EXOC3L2: variants seen among roughly 807,000 people sequenced by gnomAD.
EXOC3L2 encodes exocyst complex component 3 like 2, also known as exocyst complex component 3-like protein 2.
A neutral mutation model predicts 44.4 loss-of-function variants in EXOC3L2; 17 were observed. That is an observed-to-expected ratio of 0.38 (90% CI 0.26 to 0.57). The LOEUF is 0.57. Ranked by LOEUF, EXOC3L2 falls within the 20% of genes least tolerant of loss-of-function variation. The pLI is 0.65. For missense variants in EXOC3L2, 541 were observed against 588.4 expected (o/e 0.92, Z 0.83); for synonymous variants, 256 against 253.7 (o/e 1.01, Z -0.09).
chr19:45,243,917 C>T (rs750228894), intron 1 of EXOC3L2, among the ~76,000 whole-genome samples: 45 of 151,046 alleles, frequency 3.0e-4, no homozygotes, highest in Non-Finnish European at 5.8e-4. Context: ...TGTGAGCCAC[C>T]GCACTCTGTC....
chr19:45,230,284 T>C (rs1307374671), intron 4 of EXOC3L2, among the ~76,000 whole-genome samples: 1 of 152,154 alleles, frequency 6.6e-6, no homozygotes, highest in Non-Finnish European at 1.5e-5. Context: ...AGTGGTGCGA[T>C]CTCGGCTCAC....
intron 8 of EXOC3L2, among the ~76,000 whole-genome samples, chr19:45,223,240 T>A (rs893948834): frequency 6.6e-6 from 1 of 151,932 alleles, no homozygotes; most frequent in African/African-American, 2.4e-5. Context: ...ATACAAAAAT[T>A]AGCATGGTGG....
intron 8 of EXOC3L2, 66 bp downstream of exon 8, chr19:45,224,712 G>A (rs1416226936): frequency 9.9e-6 from 15 of 1,511,064 alleles, no homozygotes; most frequent in Non-Finnish European, 1.2e-5. Flanking sequence ...GGAACTGGAG[G>A]ATGGTGGGGG....
intron 8 of EXOC3L2, among the ~76,000 whole-genome samples, chr19:45,218,637 A>G (rs1349978758): frequency 6.6e-6 from 1 of 152,076 alleles, no homozygotes; most frequent in East Asian, 1.9e-4. Flanking sequence ...ACCGGAACTG[A>G]GGCCCTGGTG....
intron 3 of EXOC3L2, among the ~76,000 whole-genome samples, chr19:45,232,880 C>T (rs756637023): frequency 2.0e-5 from 3 of 152,072 alleles, no homozygotes; most frequent in African/African-American, 7.2e-5. Context: ...GAGTTCGACA[C>T]CAGCCTGGCC....
In EXOC3L2 at chr19:45,228,251, C is replaced by A. The variant is rs1434807586; in HGVS notation, c.1285G>T (p.Ala429Ser). 6.2e-7 allele frequency: 1 copy of A among 1,613,956 alleles called. No homozygotes were observed. The highest frequency in any genetic ancestry group is 1.3e-5 in the African/African-American group (1 of 74,910). The part of the protein sequence containing the change: ...VTDVKAQTRA[A>S]LLRVLQEDEE... ...TCCTCCTGCAGCACACGGAGAAGGG[C>A]AGCCCGGGTCTGAGCCTACAGTAGG... Residue 429 changes from alanine (A) to serine (S), a missense_variant, in exon 5 of 12, where the codon GCC (alanine) becomes TCC (serine). Transcript: ENST00000413988.
chr19:45,237,909 C>T (rs1470649446), intron 2 of EXOC3L2, among the ~76,000 whole-genome samples: 4 of 152,092 alleles, frequency 2.6e-5, no homozygotes, highest in African/African-American at 7.2e-5. Context: ...TTTGGGAGGA[C>T]GAGGCAGGCA....
chr19:45,220,827 G>A (rs1969888567), intron 8 of EXOC3L2, among the ~76,000 whole-genome samples: 1 of 151,766 alleles, frequency 6.6e-6, no homozygotes, highest in East Asian at 1.9e-4. Flanking sequence ...CGAGACTGAG[G>A]TAGAAATGAT....
chr19:45,226,747 CTTTTTTTTT>C lies in EXOC3L2; in HGVS notation c.1583+906_1583+914del, dbSNP rs957385712. ...CACTGTGCCCAGCTGACTCCCATCT[CTTTTTTTTT>C]TTTTTTTTTTTTTTGAGACGGAGTC... is the stretch of plus-strand genomic sequence containing the variant. On this transcript the variant is annotated intron_variant, in intron 7 of 11. Coordinates refer to ENST00000413988, the MANE Select transcript of EXOC3L2 (RefSeq NM_001382422.1). Among the ~76,000 whole-genome samples, 8 of 90,654 alleles carry C rather than the reference CTTTTTTTTT, an allele frequency of 8.8e-5. No homozygotes were observed. The East Asian group carries it at 2.3e-3, about 26-fold the overall frequency. The allele number at this position is 90,654 out of a possible 152,430, so 59.5% of individuals were successfully genotyped here. A position where few individuals can be genotyped will look rare whatever the true frequency, so the allele number is the denominator to read the frequency against.
Position 45,218,328 on chromosome 19 carries a change from G to A in EXOC3L2, c.1720-9C>T. ...AGCTTGTTGAAGTGTGGCTGGCAGG[G>A]ACAGAGTAGGGGGTCACGCTCTCCT... On this transcript the variant is annotated splice_polypyrimidine_tract_variant and intron_variant, in intron 8 of 11. Transcript: ENST00000413988. 1 of 1,596,622 alleles carries A rather than the reference G, an allele frequency of 6.3e-7. No homozygotes were observed. Among genetic ancestry groups the A allele is most frequent in the Non-Finnish European group, 8.5e-7 (1 of 1,170,906 alleles).
intron 4 of EXOC3L2, among the ~76,000 whole-genome samples, chr19:45,230,508 G>A (rs905134375): frequency 2.6e-5 from 4 of 152,206 alleles, no homozygotes; most frequent in African/African-American, 7.2e-5. Context: ...GTGAGCCACT[G>A]TGCCCGGCCA....
At position 45,231,604 on chromosome 19, in the gene EXOC3L2, C is replaced by T. The variant is rs187447862; in HGVS notation, c.1269+159G>A. ...ACCTTTACCAAGTGTCTCTGTACAG[C>T]GGCCTTTGTGTCTATGGCACATGGA... On this transcript the variant is annotated intron_variant, in intron 4 of 11. Transcript: ENST00000413988. Among the ~76,000 whole-genome samples the T allele has an allele frequency of 2.2e-3, 337 of 152,158 alleles. 3 individuals carry two copies. Among genetic ancestry groups the T allele is most frequent in the African/African-American group, 7.2e-3 (297 of 41,516 alleles).
intron 1 of EXOC3L2, among the ~76,000 whole-genome samples, chr19:45,243,587 A>G (rs1056684650): frequency 3.3e-5 from 5 of 151,062 alleles, no homozygotes; most frequent in Non-Finnish European, 5.9e-5. Flanking sequence ...TGCAATAGAT[A>G]CTCCCCCATG....
intron 7 of EXOC3L2, among the ~76,000 whole-genome samples, chr19:45,227,176 G>C (rs2030541052): frequency 6.7e-6 from 1 of 149,798 alleles, no homozygotes; most frequent in African/African-American, 2.5e-5. Context: ...GGAGTGCAGT[G>C]GTGCGATCTT....
chr19:45,230,319 C>T (rs1040443072), intron 4 of EXOC3L2, among the ~76,000 whole-genome samples: 1 of 152,102 alleles, frequency 6.6e-6, no homozygotes, highest in African/African-American at 2.4e-5. Flanking sequence ...CCCGGGTTCA[C>T]GCCATTCTCC....
chr19:45,228,044 G>T lies in EXOC3L2; in HGVS notation c.1402C>A (p.Arg468Ser), dbSNP rs73939819. The change falls in exon 6 of 12, where the codon CGC (arginine) becomes AGC (serine). Residue 468 changes from arginine (R) to serine (S), a missense_variant. By Grantham distance (110) the Arg-to-Ser change is moderately radical. Transcript: ENST00000413988. Reference sequence around the variant, plus strand: ...CGCTCCCCAAACTCCTGGCTGATGCGGGGTGCTCGCTCTGTGTGCTCTTCC... The same window carrying T: ...CGCTCCCCAAACTCCTGGCTGATGCTGGGTGCTCGCTCTGTGTGCTCTTCC... ...LLEEHTERAPRISQEFGERMA... is the reference protein window; with the variant it reads ...LLEEHTERAPSISQEFGERMA... 1 of 1,614,074 alleles carries T rather than the reference G, an allele frequency of 6.2e-7. No individual in the cohort carries two copies. The highest frequency in any genetic ancestry group is 8.5e-7 in the Non-Finnish European group (1 of 1,180,024).
rs1969985927 is a variant in EXOC3L2 at position 45,228,064 on chromosome 19, T to C, written c.1382A>G (p.Glu461Gly). ...LAQDVCELLE[E>G]HTERAPRISQ... ...GATGCGGGGTGCTCGCTCTGTGTGC[T>C]CTTCCAGCAGCTGTGAGGTCCAGGG... is the stretch of plus-strand genomic sequence containing the variant. Residue 461 changes from glutamate (E) to glycine (G), a missense_variant, in exon 6 of 12, where the codon GAG (glutamate) becomes GGG (glycine). Coordinates refer to ENST00000413988, the MANE Select transcript of EXOC3L2 (RefSeq NM_001382422.1). 1.2e-6 allele frequency: 2 copies of C among 1,614,096 alleles called. No individual in the cohort carries two copies. Among genetic ancestry groups the C allele is most frequent in the Non-Finnish European group, 1.7e-6 (2 of 1,180,016 alleles).
intron 1 of EXOC3L2, among the ~76,000 whole-genome samples, chr19:45,241,956 G>C (rs1238638384): frequency 6.6e-6 from 1 of 152,198 alleles, no homozygotes; most frequent in South Asian, 2.1e-4. Flanking sequence ...AGACACTCAG[G>C]GAATGGGTGC....
intron 4 of EXOC3L2, among the ~76,000 whole-genome samples, chr19:45,229,120 C>A (rs1406115549): frequency 6.6e-6 from 1 of 150,384 alleles, no homozygotes; most frequent in African/African-American, 2.4e-5. Context: ...TAAAATTAGT[C>A]CATGGTTTTA....
Sources: gnomAD v4.1 joint callset for allele counts (sites outside exome capture counted in the v4.1 genomes callset) on GRCh38, gnomAD v4.1.1 for gene constraint, MANE v1.5 for transcripts, NCBI Gene and HGNC (gene_info 2026-07-23, HGNC 2026-07-21) for gene names.